ABCA12: variants seen among roughly 807,000 people sequenced by gnomAD.
ABCA12 encodes ATP binding cassette subfamily A member 12, also known as glucosylceramide transporter ABCA12.
Under a neutral mutation model 293.5 loss-of-function variants are expected in ABCA12, and 156 were observed. That is an observed-to-expected ratio of 0.53 (90% CI 0.47 to 0.61). The LOEUF (loss-of-function observed/expected upper bound fraction) is 0.61. Ranked by LOEUF, ABCA12 falls within the 20% of genes least tolerant of loss-of-function variation. The pLI, the probability that ABCA12 is intolerant of heterozygous loss-of-function variation, is 0.00. For synonymous variants in ABCA12, 1,063 were observed against 1,108.0 expected, an observed-to-expected ratio of 0.96 and a Z score of 0.81; for missense variants, 2,797 against 3,090.2, an observed-to-expected ratio of 0.91 and a Z score of 2.25.
intron 30 of ABCA12, among the ~76,000 whole-genome samples, chr2:214,981,981 ATT>A (rs1699675348): frequency 7.5e-6 from 1 of 133,090 alleles, no homozygotes; most frequent in African/African-American, 3.0e-5. Flanking sequence ...TATTATTATT[ATT>A]ATTTTATTAT....
At chr2:215,131,729 A>T (rs1575064056) in intron 1 of ABCA12, among the ~76,000 whole-genome samples, 3 of 78,046 alleles carry the variant, frequency 3.8e-5, no homozygotes, top group Admixed American at 1.3e-4. Context: ...TTTTGGCCTG[A>T]ATCTCCTTTA....
intron 4 of ABCA12, among the ~76,000 whole-genome samples, chr2:215,053,065 A>G (rs17430358): frequency 0.21 from 31,212 of 151,930 alleles, 3,397 homozygotes; most frequent in East Asian, 0.4. Flanking sequence ...TCTCTCCTCA[A>G]AGTGGTTTCT....
intron 23 of ABCA12, among the ~76,000 whole-genome samples, chr2:214,992,462 G>GA (rs35911401): frequency 0.96 from 74,138 of 77,376 alleles, 35,537 homozygotes; most frequent in East Asian, 0.99. Flanking sequence ...AAAAAAAAAT[G>GA]AAAAAAAAAA....
chr2:215,039,484 A>G (rs1701054002), intron 7 of ABCA12, among the ~76,000 whole-genome samples: 1 of 152,202 alleles, frequency 6.6e-6, no homozygotes, highest in Admixed American at 6.5e-5. Context: ...GGCCGGGCGC[A>G]GTGGCTCATG....
In ABCA12 at chr2:214,986,643, G is replaced by C. The variant is rs756325212; in HGVS notation, c.4062C>G (p.Ile1354Met). ...VGVALHGVTKIYGSKVAVDNL... is the reference protein window; with the variant it reads ...VGVALHGVTKMYGSKVAVDNL... ...TATCAACAGCAACTTTTGAGCCATA[G>C]ATCTTTGTGACCCCATGCAGGGCAA... Residue 1354 changes from isoleucine (I) to methionine (M), a missense_variant, in exon 28 of 53, where the codon ATC (isoleucine) becomes ATG (methionine). By Grantham distance (10) the Ile-to-Met change is conservative (BLOSUM62 1). This residue lies in a region of ABCA12 where 2,130 missense variants were observed against 2,427.0 expected (regional missense o/e 0.88). Transcript: ENST00000272895. 5.0e-6 allele frequency: 8 copies of C among 1,613,964 alleles called. No individual in the cohort carries two copies. Among genetic ancestry groups the C allele is most frequent in the Admixed American group, 1.7e-5 (1 of 59,992 alleles).
At chr2:214,951,147 G>A (rs761303886) in intron 44 of ABCA12, 64 bp from the exon 45 acceptor site, 30 of 1,401,132 alleles carry the variant, frequency 2.1e-5, no homozygotes, top group Admixed American at 3.4e-5. Flanking sequence ...ATTTTGACAT[G>A]TTTTGATGGG....
intron 45 of ABCA12, 90 bp downstream of exon 45, chr2:214,950,789 G>A: frequency 1.4e-6 from 2 of 1,393,984 alleles, no homozygotes; most frequent in South Asian, 1.2e-5. Flanking sequence ...ACAGGTGTGA[G>A]CCACTGTACC....
chr2:215,001,541 A>G lies in ABCA12; in HGVS notation c.2863+17T>C, dbSNP rs1381930204. On this transcript the variant is annotated intron_variant, in intron 21 of 52. Transcript: ENST00000272895. Reference sequence around the variant, plus strand: ...TAGCACAAAGAGATGCTCAAACCCTAATAGAACAGCACTTACTTCCAAAGA... The same window carrying G: ...TAGCACAAAGAGATGCTCAAACCCTGATAGAACAGCACTTACTTCCAAAGA... 6.2e-7 allele frequency: 1 copy of G among 1,613,326 alleles called. No homozygotes were observed. Among genetic ancestry groups the G allele is most frequent in the African/African-American group, 1.3e-5 (1 of 74,898 alleles).
At chr2:214,962,992 C>T (rs1056787635) in intron 39 of ABCA12, 4 of 152,060 alleles carry the variant, frequency 2.6e-5, no homozygotes, top group South Asian at 4.1e-4. Context: ...GATAACCTAA[C>T]ATCTTAACTA....
intron 7 of ABCA12, among the ~76,000 whole-genome samples, chr2:215,042,872 T>C (rs1001531883): frequency 2.6e-5 from 4 of 152,172 alleles, no homozygotes; most frequent in Non-Finnish European, 5.9e-5. Flanking sequence ...CAACCTCTGG[T>C]AATCATTATT....
At chr2:215,024,646 A>G (rs1312030393) in intron 11 of ABCA12, among the ~76,000 whole-genome samples, 1 of 152,196 alleles carries the variant, frequency 6.6e-6, no homozygotes, top group Non-Finnish European at 1.5e-5. Flanking sequence ...TAAGTAGTAC[A>G]TTTATTTGTA....
rs375901115 is a variant in ABCA12 at position 215,001,047 on chromosome 2, G to A, written c.2864-27C>T. On this transcript the variant is annotated intron_variant, in intron 21 of 52. Coordinates refer to ENST00000272895, the MANE Select transcript of ABCA12 (RefSeq NM_173076.3). ...TAAAAATAAAATGGCAACAACAGCA[G>A]AAAGGTTATTTTATGGTTGACGTTA... 52 of 1,609,152 alleles carry A rather than the reference G, an allele frequency of 3.2e-5. 1 individual carries two copies. In the African/African-American group the frequency reaches 6.7e-4, roughly 21 times the overall value.
chr2:214,959,382 A>G (rs201089839), intron 39 of ABCA12, among the ~76,000 whole-genome samples: 1 of 151,942 alleles, frequency 6.6e-6, no homozygotes, highest in Non-Finnish European at 1.5e-5. Context: ...AGTATGTTCC[A>G]TTTTTTTCCT....
At chr2:215,017,977 T>A (rs780797590) in intron 14 of ABCA12, 31 bp downstream of exon 14, 1 of 1,613,876 alleles carries the variant, frequency 6.2e-7, no homozygotes, top group South Asian at 1.1e-5. Flanking sequence ...TTCTAAGAAC[T>A]GCATGTAAGT....
chr2:215,131,538 G>A (rs763106150), intron 1 of ABCA12, among the ~76,000 whole-genome samples: 6 of 151,744 alleles, frequency 4.0e-5, no homozygotes. Flanking sequence ...ATTCACAGTA[G>A]TCTTTGATGA....
At chr2:215,136,165 T>C (rs1426040298) in intron 1 of ABCA12, among the ~76,000 whole-genome samples, 1 of 152,200 alleles carries the variant, frequency 6.6e-6, no homozygotes, top group Non-Finnish European at 1.5e-5. Flanking sequence ...AATGAACTAA[T>C]GGCTCATGTA....
chr2:214,970,075 A>G (rs991977465), intron 37 of ABCA12, among the ~76,000 whole-genome samples, 198 bp downstream of exon 37: 2 of 152,010 alleles, frequency 1.3e-5, no homozygotes, highest in Non-Finnish European at 2.9e-5. Context: ...TAATATAACC[A>G]TTGGTTTTCC....
rs985668489 is a variant in ABCA12 at position 215,028,111 on chromosome 2, T to C, written c.1062-1173A>G. Among the ~76,000 whole-genome samples the C allele has an allele frequency of 2.6e-5, 4 of 152,356 alleles. 1 individual carries two copies. The Middle Eastern group carries it at 0.01, about 389-fold the overall frequency. On this transcript the variant is annotated intron_variant, in intron 9 of 52. Coordinates refer to ENST00000272895, the MANE Select transcript of ABCA12 (RefSeq NM_173076.3). The stretch of plus-strand genomic sequence containing the variant: ...TAAATGTCAATGGCTGATTTGGGGA[T>C]CATCTGTTTTGAATCAAACTGTACA...
At chr2:215,101,502 G>C (rs1702356253) in intron 2 of ABCA12, among the ~76,000 whole-genome samples, 1 of 152,050 alleles carries the variant, frequency 6.6e-6, no homozygotes, top group Non-Finnish European at 1.5e-5. Flanking sequence ...GAGTAGCTGG[G>C]TACATCTGTT....
Sources: allele counts gnomAD v4.1 joint callset (sites outside exome capture counted in the v4.1 genomes callset), GRCh38; gene constraint gnomAD v4.1.1; regional missense constraint gnomAD v4.1.1; transcripts MANE v1.5; gene names NCBI Gene and HGNC (gene_info 2026-07-23, HGNC 2026-07-21).